TTC29: variants seen among roughly 807,000 people sequenced by gnomAD.
The protein encoded by TTC29 is tetratricopeptide repeat protein 29.
In TTC29, 49 loss-of-function variants were observed where a neutral mutation model predicts 58.1. The observed-to-expected ratio is 0.84, with a 90% CI of 0.67 to 1.07. The LOEUF (loss-of-function observed/expected upper bound fraction) is 1.07. TTC29 is among the 50% of genes least tolerant of loss of function. TTC29 has a pLI of 0.00. For missense variants in TTC29, 582 were observed against 555.6 expected (o/e 1.05, Z -0.48); for synonymous variants, 209 against 196.8 (o/e 1.06, Z -0.52).
intron 11 of TTC29, among the ~76,000 whole-genome samples, chr4:146,753,189 T>C: frequency 6.6e-6 from 1 of 151,864 alleles, no homozygotes. Context: ...TACAATGAAC[T>C]CAAACAAATT....
rs771000211 is a variant in TTC29, at chr4:146,820,220, A to G, written c.1006T>C (p.Tyr336His). Reference protein sequence around the residue: ...SQGEMTEAIKYLKKFVKIARN... With the variant: ...SQGEMTEAIKHLKKFVKIARN... The stretch of plus-strand genomic sequence containing the variant: ...GCAATTTTCACAAATTTTTTCAAGT[A>G]TTTAATTGCTTCTGTCATCTCTCCT... Residue 336 changes from tyrosine (Y) to histidine (H), a missense_variant, in exon 10 of 13, where the codon TAC (tyrosine) becomes CAC (histidine). Tyr to His is a moderately conservative substitution (Grantham distance 83). Coordinates refer to ENST00000325106, the MANE Select transcript of TTC29 (RefSeq NM_031956.4). 6.2e-7 allele frequency: 1 copy of G among 1,612,678 alleles called. No homozygotes were observed. The highest frequency in any genetic ancestry group is 1.1e-5 in the South Asian group (1 of 91,068).
At chr4:146,787,447 T>C (rs1457230739) in intron 11 of TTC29, among the ~76,000 whole-genome samples, 1 of 152,168 alleles carries the variant, frequency 6.6e-6, no homozygotes, top group African/African-American at 2.4e-5. Flanking sequence ...AAAAGCAAAA[T>C]ACTTGAGTTG....
chr4:146,726,384 C>T (rs1430037872), intron 11 of TTC29, among the ~76,000 whole-genome samples: 3 of 151,924 alleles, frequency 2.0e-5, no homozygotes, highest in East Asian at 1.9e-4. Flanking sequence ...ACCCGGGAGG[C>T]GGAGGTTGCA....
intron 11 of TTC29, 24 bp from the exon 12 acceptor site, chr4:146,707,575 AAT>A (rs1742061587): frequency 6.6e-7 from 1 of 1,516,846 alleles, no homozygotes; most frequent in African/African-American, 1.4e-5. Context: ...ACACAAAGTT[AAT>A]AGATTATCAT....
intron 11 of TTC29, among the ~76,000 whole-genome samples, chr4:146,744,709 A>G (rs1270917396): frequency 2.0e-5 from 3 of 152,054 alleles, no homozygotes; most frequent in Non-Finnish European, 4.4e-5. Context: ...ACCAACTATC[A>G]AAGTATGTTG....
intron 10 of TTC29, among the ~76,000 whole-genome samples, chr4:146,817,323 C>T (rs1409286298): frequency 6.6e-6 from 1 of 152,166 alleles, no homozygotes; most frequent in African/African-American, 2.4e-5. Flanking sequence ...GAATGAACTC[C>T]CATTCACAAT....
intron 4 of TTC29, among the ~76,000 whole-genome samples, chr4:146,927,078 C>T: frequency 1.5e-5 from 1 of 65,100 alleles, no homozygotes; most frequent in Admixed American, 1.8e-4. Context: ...AAGACCCCAT[C>T]TCAAAAAAAA....
chr4:146,926,500 T>A (rs1657644392), intron 4 of TTC29, among the ~76,000 whole-genome samples: 1 of 152,004 alleles, frequency 6.6e-6, no homozygotes, highest in African/African-American at 2.4e-5. Flanking sequence ...TGAGACGGAG[T>A]CCTGCCTTGT....
At chr4:146,752,389 A>G (rs376824668) in intron 11 of TTC29, among the ~76,000 whole-genome samples, 1 of 130,722 alleles carries the variant, frequency 7.6e-6, no homozygotes, top group Non-Finnish European at 1.6e-5. Flanking sequence ...CCACTGCTCA[A>G]TGAAATAAAA....
chr4:146,707,420 G>T, intron 12 of TTC29, 65 bp downstream of exon 12: 1 of 1,173,286 alleles, frequency 8.5e-7, no homozygotes. Flanking sequence ...TGGAGAATGA[G>T]ATTATGCTTA....
At chr4:146,917,617 A>ACATCATATATTATTTATATAATATC (rs1250048875) in intron 4 of TTC29, among the ~76,000 whole-genome samples, 1 of 143,148 alleles carries the variant, frequency 7.0e-6, no homozygotes, top group Non-Finnish European at 1.5e-5. Context: ...TTTATAATAT[A>ACATCATATATTATTTATATAATATC]TAATTAGATA....
At chr4:146,867,099 T>C (rs992347975) in intron 8 of TTC29, among the ~76,000 whole-genome samples, 2 of 152,208 alleles carry the variant, frequency 1.3e-5, no homozygotes, top group Non-Finnish European at 2.9e-5. Context: ...GTATTTGCTT[T>C]ATAACTGCAT....
At chr4:146,743,471 T>C (rs939007767) in intron 11 of TTC29, among the ~76,000 whole-genome samples, 1 of 152,174 alleles carries the variant, frequency 6.6e-6, no homozygotes, top group African/African-American at 2.4e-5. Context: ...AGTTCAGAAG[T>C]GAACAAGCAG....
intron 11 of TTC29, among the ~76,000 whole-genome samples, chr4:146,748,952 A>G (rs1745757327): frequency 6.6e-6 from 1 of 152,228 alleles, no homozygotes; most frequent in African/African-American, 2.4e-5. Context: ...TTAAGCAAAC[A>G]GTAAGATACA....
At chr4:146,804,376 C>A (rs1301954101) in intron 10 of TTC29, among the ~76,000 whole-genome samples, 2 of 152,034 alleles carry the variant, frequency 1.3e-5, no homozygotes, top group Non-Finnish European at 2.9e-5. Flanking sequence ...GGAATGCAAG[C>A]AAGACAGAAC....
chr4:146,862,314 C>T (rs2150201224), intron 8 of TTC29, among the ~76,000 whole-genome samples: 1 of 151,226 alleles, frequency 6.6e-6, no homozygotes, highest in South Asian at 2.1e-4. Flanking sequence ...GTGCTCTCTC[C>T]TGCTATAGAT....
intron 11 of TTC29, among the ~76,000 whole-genome samples, chr4:146,753,660 T>C (rs1265426625): frequency 1.3e-5 from 2 of 152,220 alleles, no homozygotes; most frequent in African/African-American, 4.8e-5. Flanking sequence ...AACCCAAATG[T>C]CCAACAATGA....
chr4:146,874,478 C>T (rs1215162896), intron 7 of TTC29, among the ~76,000 whole-genome samples: 1 of 152,158 alleles, frequency 6.6e-6, no homozygotes, highest in Non-Finnish European at 1.5e-5. Flanking sequence ...TTTTACAACA[C>T]TACCCCCAGC....
intron 11 of TTC29, among the ~76,000 whole-genome samples, chr4:146,757,557 C>T (rs1746546940): frequency 6.6e-6 from 1 of 152,254 alleles, no homozygotes; most frequent in Non-Finnish European, 1.5e-5. Flanking sequence ...ATCTTAAGAG[C>T]TGTGAGACAG....
Sources: allele counts gnomAD v4.1 joint callset (sites outside exome capture counted in the v4.1 genomes callset), GRCh38; gene constraint gnomAD v4.1.1; transcripts MANE v1.5; gene names NCBI Gene and HGNC (gene_info 2026-07-23, HGNC 2026-07-21).